The following DLGAP2 variants were observed in gnomAD, a reference collection of about 807,000 sequenced individuals.
DLGAP2 encodes DLG associated protein 2.
DLGAP2 carries 26 observed loss-of-function variants against 100.3 expected under a neutral mutation model. That is an observed-to-expected ratio of 0.26 (90% CI 0.19 to 0.36). The LOEUF (loss-of-function observed/expected upper bound fraction) is 0.36. DLGAP2 is among the 10% of genes least tolerant of loss of function. DLGAP2 has a pLI of 1.00. For synonymous variants in DLGAP2, 886 were observed against 630.1 expected (o/e 1.41, Z -6.08); for missense variants, 1,858 against 1,453.2 (o/e 1.28, Z -4.53).
At chr8:965,874 A>C (rs2129011182) in intron 2 of DLGAP2, among the ~76,000 whole-genome samples, 1 of 151,698 alleles carries the variant, frequency 6.6e-6, no homozygotes, top group East Asian at 1.9e-4. Flanking sequence ...CCCCGCATGC[A>C]CACAGCGCTG....
chr8:941,729 G>T (rs556669521), intron 2 of DLGAP2, among the ~76,000 whole-genome samples: 7 of 152,278 alleles, frequency 4.6e-5, no homozygotes, highest in African/African-American at 1.7e-4. Flanking sequence ...CTTTGATTGG[G>T]ATGAGCTCTC....
chr8:900,867 G>A (rs1382792081), intron 1 of DLGAP2, among the ~76,000 whole-genome samples: 4 of 152,176 alleles, frequency 2.6e-5, no homozygotes, highest in African/African-American at 9.6e-5. Context: ...AAGAAAATGG[G>A]CTCCGTAGGT....
At chr8:1,232,636 T>C (rs951627491) in intron 2 of DLGAP2, among the ~76,000 whole-genome samples, 17 of 152,244 alleles carry the variant, frequency 1.1e-4, no homozygotes, top group Admixed American at 1.1e-3. Flanking sequence ...ACAAGATGCT[T>C]TCATGTAGGC....
At chr8:885,856 G>A (rs575622738) in intron 1 of DLGAP2, among the ~76,000 whole-genome samples, 1 of 152,242 alleles carries the variant, frequency 6.6e-6, no homozygotes, top group East Asian at 1.9e-4. Flanking sequence ...TTGGCCTGAA[G>A]TTTTCTTTTA....
At chr8:773,915 A>G (rs1177085734) in intron 1 of DLGAP2, among the ~76,000 whole-genome samples, 1 of 152,218 alleles carries the variant, frequency 6.6e-6, no homozygotes, top group African/African-American at 2.4e-5. Context: ...TCCCAGAGGA[A>G]TCGCCACACT....
intron 2 of DLGAP2, among the ~76,000 whole-genome samples, chr8:941,476 G>A (rs1314170412): frequency 6.6e-6 from 1 of 152,142 alleles, no homozygotes; most frequent in African/African-American, 2.4e-5. Context: ...TAGATGCCAC[G>A]AGGGCTCATT....
chr8:1,533,521 T>G (rs113827199), intron 4 of DLGAP2, among the ~76,000 whole-genome samples: 2 of 151,526 alleles, frequency 1.3e-5, no homozygotes, highest in African/African-American at 4.9e-5. Context: ...AAAAAAAGAA[T>G]GTGTTTTTCC....
chr8:1,409,178 G>A (rs571215983), intron 3 of DLGAP2, among the ~76,000 whole-genome samples: 1 of 123,134 alleles, frequency 8.1e-6, no homozygotes, highest in East Asian at 2.7e-4. Flanking sequence ...CACCATAGCA[G>A]GCGCCTGGCT....
rs780394886 is a variant in DLGAP2, at chr8:1,548,842, G to T, written c.389G>T (p.Gly130Val). 1.3e-6 allele frequency: 2 copies of T among 1,580,024 alleles called. No homozygotes were observed. Among genetic ancestry groups the T allele is most frequent in the South Asian group, 2.2e-5 (2 of 89,026 alleles). ...YLLSPADSCPGGRHRCSPRSS... is the reference protein window; with the variant it reads ...YLLSPADSCPVGRHRCSPRSS... Reference sequence around the variant, plus strand: ...CTGAGCCCCGCCGACAGCTGCCCCGGGGGGCGCCACCGCTGCTCGCCGCGC... The same window carrying T: ...CTGAGCCCCGCCGACAGCTGCCCCGTGGGGCGCCACCGCTGCTCGCCGCGC... Residue 130 changes from glycine (G) to valine (V), a missense_variant, in exon 5 of 15, where the codon GGG (glycine) becomes GTG (valine). Coordinates refer to ENST00000637795, the MANE Select transcript of DLGAP2 (RefSeq NM_001346810.2).
At chr8:1,198,126 G>A (rs1001506569) in intron 2 of DLGAP2, among the ~76,000 whole-genome samples, 5 of 152,036 alleles carry the variant, frequency 3.3e-5, no homozygotes, top group South Asian at 2.1e-4. Flanking sequence ...GCGTGTGTGC[G>A]TGTGGGTGTG....
At chr8:1,076,756 C>T (rs920296268) in intron 2 of DLGAP2, among the ~76,000 whole-genome samples, 2 of 152,202 alleles carry the variant, frequency 1.3e-5, no homozygotes, top group Non-Finnish European at 2.9e-5. Flanking sequence ...CAGAGATCCC[C>T]TTCTTCATGG....
chr8:1,646,810 G>A (rs1240313643), intron 8 of DLGAP2, among the ~76,000 whole-genome samples: 1 of 147,758 alleles, frequency 6.8e-6, no homozygotes, highest in Non-Finnish European at 1.5e-5. Context: ...GGGCCAGAGG[G>A]CAAACGGATC....
At chr8:929,065 C>T (rs1223007195) in intron 2 of DLGAP2, among the ~76,000 whole-genome samples, 1 of 104,150 alleles carries the variant, frequency 9.6e-6, no homozygotes, top group Admixed American at 9.9e-5. Flanking sequence ...CATCCCAGAA[C>T]CCCCGGCCAT....
chr8:1,290,274 G>A (rs12114275), intron 3 of DLGAP2, among the ~76,000 whole-genome samples: 5,852 of 152,298 alleles, frequency 0.038, 159 homozygotes, highest in South Asian at 0.13. Context: ...CGCTCCTGAC[G>A]TGGCTACACA....
intron 4 of DLGAP2, among the ~76,000 whole-genome samples, chr8:1,520,573 G>T (rs371390936): frequency 6.6e-6 from 1 of 151,998 alleles, no homozygotes; most frequent in Non-Finnish European, 1.5e-5. Context: ...AAAATCCTGC[G>T]TGCTCCCCCT....
At position 1,267,155 on chromosome 8, in the gene DLGAP2, C is replaced by T. The variant is rs549926013; in HGVS notation, c.106+8272C>T. ...ACTGAGGCAGGAGAATGGCGTGAAC[C>T]AGGGAGGCGGAGCTTGCAGTGAGCC... On this transcript the variant is annotated intron_variant, in intron 3 of 14. Transcript: ENST00000637795. 2.0e-5 allele frequency among the ~76,000 whole-genome samples: 3 copies of T among 151,884 alleles called. No homozygotes were observed. In the East Asian group the frequency reaches 5.9e-4, roughly 30 times the overall value.
intron 3 of DLGAP2, among the ~76,000 whole-genome samples, chr8:1,316,387 T>C (rs71516179): frequency 1.0e-3 from 77 of 73,584 alleles, no homozygotes; most frequent in African/African-American, 2.1e-3. Flanking sequence ...TCGAGAAACT[T>C]GGCAGCTTTT....
At chr8:1,271,430 C>A (rs1233839329) in intron 3 of DLGAP2, among the ~76,000 whole-genome samples, 2 of 152,146 alleles carry the variant, frequency 1.3e-5, no homozygotes, top group African/African-American at 4.8e-5. Context: ...ACTTTATGAA[C>A]CTCCTTGTGC....
chr8:1,114,455 A>G (rs546108725), intron 2 of DLGAP2, among the ~76,000 whole-genome samples: 35 of 152,186 alleles, frequency 2.3e-4, no homozygotes, highest in South Asian at 6.2e-4. Flanking sequence ...GAATTTATCC[A>G]TCTCTTCTAG....
Sources: allele counts gnomAD v4.1 joint callset (sites outside exome capture counted in the v4.1 genomes callset), GRCh38; gene constraint gnomAD v4.1.1; transcripts MANE v1.5; gene names NCBI Gene and HGNC (gene_info 2026-07-23, HGNC 2026-07-21).